Variants in ROBO2 observed in about 807,000 individuals in gnomAD.
ROBO2 encodes the protein roundabout guidance receptor 2, also known as roundabout homolog 2.
ROBO2 carries 53 observed loss-of-function variants against 160.8 expected under a neutral mutation model. The ratio of observed to expected loss-of-function variants is 0.33; its 90% CI spans 0.26 to 0.41. ROBO2 has a LOEUF of 0.41. Among genes scored for constraint, ROBO2 ranks in the 10% least tolerant of loss-of-function variants. The pLI, the probability that ROBO2 is intolerant of heterozygous loss-of-function variation, is 1.00. For missense variants in ROBO2, 1,577 were observed against 1,722.4 expected (o/e 0.92, Z 1.49); for synonymous variants, 664 against 611.7 (o/e 1.09, Z -1.26).
chr3:77,377,920 T>A lies in ROBO2; in HGVS notation c.389-99494T>A, dbSNP rs1042210476. Among the ~76,000 whole-genome samples the A allele has an allele frequency of 4.6e-5, 7 of 152,154 alleles. No homozygotes were observed. In the East Asian group the frequency reaches 9.6e-4, roughly 21 times the overall value. On this transcript the variant is annotated intron_variant, in intron 2 of 25. Coordinates refer to ENST00000461745, the Ensembl canonical transcript of ROBO2. ...TTCAGAACTAATCAGCAAGATACAA[T>A]CAGATAGATGCCAGAGGTGAGGGAT... is the stretch of plus-strand genomic sequence containing the variant.
intron 2 of ROBO2, among the ~76,000 whole-genome samples, chr3:75,952,542 C>A (rs1346788506): frequency 6.6e-6 from 1 of 151,950 alleles, no homozygotes; most frequent in African/African-American, 2.4e-5. Flanking sequence ...ATTCACATGT[C>A]ATCCTCAGCC....
intron 21 of ROBO2, among the ~76,000 whole-genome samples, chr3:77,615,020 C>G (rs1375967194): frequency 6.6e-6 from 1 of 152,088 alleles, no homozygotes. Flanking sequence ...TAGCCCTGCC[C>G]AACTCCAAAA....
At chr3:76,026,503 T>C (rs2066751745) in intron 2 of ROBO2, among the ~76,000 whole-genome samples, 1 of 151,912 alleles carries the variant, frequency 6.6e-6, no homozygotes. Context: ...AGAGCAGCTG[T>C]AAGGAAAAAG....
chr3:76,039,472 T>A (rs1207364248), intron 2 of ROBO2, among the ~76,000 whole-genome samples: 1 of 152,018 alleles, frequency 6.6e-6, no homozygotes, highest in East Asian at 1.9e-4. Flanking sequence ...TGGTAAATGG[T>A]GTTTGTGATG....
intron 2 of ROBO2, among the ~76,000 whole-genome samples, chr3:76,855,020 T>C (rs1459758990): frequency 6.6e-6 from 1 of 152,198 alleles, no homozygotes; most frequent in Non-Finnish European, 1.5e-5. Flanking sequence ...CAGGAAATGT[T>C]ATGTTTTTGT....
At chr3:77,112,141 G>T (rs1277673733) in intron 2 of ROBO2, among the ~76,000 whole-genome samples, 6 of 146,978 alleles carry the variant, frequency 4.1e-5, no homozygotes, top group Non-Finnish European at 7.4e-5. Context: ...GCAGTGAGCC[G>T]AGATCGCGCC....
intron 1 of ROBO2, among the ~76,000 whole-genome samples, chr3:77,066,107 A>G (rs1229104529): frequency 6.6e-6 from 1 of 152,040 alleles, no homozygotes; most frequent in Non-Finnish European, 1.5e-5. Flanking sequence ...CATCATAATC[A>G]ATTTGGTGAT....
chr3:77,181,818 G>A (rs7432001), intron 2 of ROBO2, among the ~76,000 whole-genome samples: 8,822 of 151,990 alleles, frequency 0.058, 275 homozygotes, highest in Admixed American at 0.092. Context: ...TTTAAAATGC[G>A]AAGTCTCATA....
chr3:76,994,852 T>A (rs1450436052), intron 2 of ROBO2, among the ~76,000 whole-genome samples: 1 of 152,188 alleles, frequency 6.6e-6, no homozygotes, highest in African/African-American at 2.4e-5. Flanking sequence ...AGAAGCAATA[T>A]AATAAAAACA....
rs1709434361 is a variant in ROBO2 at position 76,302,896 on chromosome 3, T to G, written c.109+365294T>G. ...CTGTAACACTATAATTTAGTGACTG[T>G]GCTATTTAGACTATGTAGATTTTAT... On this transcript the variant is annotated intron_variant, in intron 2 of 26. Transcript: ENST00000487694. 2.0e-5 allele frequency among the ~76,000 whole-genome samples: 3 copies of G among 152,154 alleles called. No individual in the cohort carries two copies. In the South Asian group the frequency reaches 6.2e-4, roughly 32 times the overall value.
intron 2 of ROBO2, among the ~76,000 whole-genome samples, chr3:77,209,933 C>G (rs1172596354): frequency 2.0e-5 from 3 of 152,104 alleles, no homozygotes; most frequent in Non-Finnish European, 1.5e-5. Flanking sequence ...GGATCTTTTA[C>G]AACAGATGGA....
chr3:77,301,915 T>G (rs1347037078), intron 2 of ROBO2, among the ~76,000 whole-genome samples: 1 of 151,994 alleles, frequency 6.6e-6, no homozygotes, highest in Non-Finnish European at 1.5e-5. Context: ...TTTCTTTCTT[T>G]TTTAAGAAAC....
chr3:77,602,661 G>GCCACCACCACCGCCA (rs2094452877), intron 20 of ROBO2, among the ~76,000 whole-genome samples, 170 bp downstream of exon 21: 1 of 128,332 alleles, frequency 7.8e-6, no homozygotes, highest in Non-Finnish European at 1.7e-5. Context: ...CACCACCACC[G>GCCACCACCACCGCCA]CCACCACCAC....
chr3:77,279,640 A>G (rs1272699336), intron 2 of ROBO2, among the ~76,000 whole-genome samples: 1 of 152,124 alleles, frequency 6.6e-6, no homozygotes, highest in Non-Finnish European at 1.5e-5. Context: ...TACACATACT[A>G]ACATGTGGAG....
intron 2 of ROBO2, among the ~76,000 whole-genome samples, chr3:77,417,231 C>CT (rs10552785): frequency 1.6e-3 from 232 of 141,900 alleles, no homozygotes; most frequent in Admixed American, 7.1e-3. Context: ...AGGGTAACCA[C>CT]TTTTTTTTTT....
chr3:76,493,777 G>A (rs1349201310), intron 2 of ROBO2, among the ~76,000 whole-genome samples: 1 of 152,072 alleles, frequency 6.6e-6, no homozygotes, highest in African/African-American at 2.4e-5. Context: ...GTACCTCTGC[G>A]AGGCACTGAA....
chr3:76,023,266 C>G (rs2066628843), intron 2 of ROBO2, among the ~76,000 whole-genome samples: 1 of 151,664 alleles, frequency 6.6e-6, no homozygotes, highest in South Asian at 2.1e-4. Flanking sequence ...CTTTCAATTA[C>G]CTTCAAGAAC....
At chr3:76,307,032 G>A (rs1226753112) in intron 2 of ROBO2, among the ~76,000 whole-genome samples, 1 of 152,028 alleles carries the variant, frequency 6.6e-6, no homozygotes, top group African/African-American at 2.4e-5. Context: ...CTAAAGCTTT[G>A]GTGGTTAATG....
At chr3:76,132,952 G>A (rs17013867) in intron 2 of ROBO2, among the ~76,000 whole-genome samples, 71 of 152,174 alleles carry the variant, frequency 4.7e-4, no homozygotes, top group Non-Finnish European at 9.3e-4. Context: ...CCCTTGGACT[G>A]TCTTGGCCTC....
Sources: allele counts gnomAD v4.1 joint callset (sites outside exome capture counted in the v4.1 genomes callset), GRCh38; gene constraint gnomAD v4.1.1; transcripts MANE v1.5; gene names NCBI Gene and HGNC (gene_info 2026-07-23, HGNC 2026-07-21).